Variants in GRTP1 observed in about 807,000 individuals in gnomAD.
GRTP1 encodes the protein growth hormone regulated TBC protein 1.
GRTP1 carries 56 observed loss-of-function variants against 38.1 expected under a neutral mutation model. The observed-to-expected ratio is 1.47, with a 90% confidence interval of 1.19 to 1.84. The LOEUF (loss-of-function observed/expected upper bound fraction) is 1.84, where lower values mean the gene tolerates loss of function less well. Among genes scored for constraint, GRTP1 ranks in the 40% most tolerant of loss-of-function variants. GRTP1 has a pLI of 0.00. For synonymous variants in GRTP1, 217 were observed against 189.5 expected (o/e 1.14, Z -1.19); for missense variants, 506 against 453.9 (o/e 1.11, Z -1.04).
chr13:113,329,135 G>A (rs1037215831), intron 5 of GRTP1, among the ~76,000 whole-genome samples: 3 of 152,158 alleles, frequency 2.0e-5, no homozygotes, highest in Non-Finnish European at 4.4e-5. Context: ...TTCAGTCTTC[G>A]GCCAGTCCCA....
At chr13:113,362,790 C>G (rs926823676) in intron 2 of GRTP1, among the ~76,000 whole-genome samples, 5 of 152,074 alleles carry the variant, frequency 3.3e-5, no homozygotes, top group African/African-American at 1.2e-4. Context: ...CCCTACTGCT[C>G]GGTCCCTGGA....
At chr13:113,333,844 T>TTTATTTA (rs1566418680) in intron 5 of GRTP1, among the ~76,000 whole-genome samples, 2 of 110,908 alleles carry the variant, frequency 1.8e-5, no homozygotes, top group African/African-American at 3.2e-5. Context: ...ATTTAGTGTG[T>TTTATTTA]GTGTGTGTGT....
intron 2 of GRTP1, 100 bp downstream of exon 2, chr13:113,363,662 T>C: frequency 8.0e-7 from 1 of 1,250,772 alleles, no homozygotes; most frequent in Non-Finnish European, 1.1e-6. Flanking sequence ...CCGGAAAGGT[T>C]CCTCCCCCTC....
At chr13:113,363,217 C>A (rs915126769) in intron 2 of GRTP1, among the ~76,000 whole-genome samples, 2 of 152,100 alleles carry the variant, frequency 1.3e-5, no homozygotes, top group African/African-American at 2.4e-5. Context: ...CCCTGTGGGT[C>A]CCGTCACAAG....
chr13:113,340,429 T>C (rs2043010565), intron 5 of GRTP1, among the ~76,000 whole-genome samples: 1 of 151,376 alleles, frequency 6.6e-6, no homozygotes. Context: ...CAGTGAGCCA[T>C]GATCACACCA....
chr13:113,356,966 A>G (rs1663683059), intron 2 of GRTP1, among the ~76,000 whole-genome samples: 1 of 152,216 alleles, frequency 6.6e-6, no homozygotes, highest in African/African-American at 2.4e-5. Context: ...ACGAGGGAAG[A>G]CCCAGAGGAG....
rs747789425 is a variant in GRTP1 at position 113,350,923 on chromosome 13, G to T, written c.391C>A (p.Pro131Thr). 4.3e-6 allele frequency: 7 copies of T among 1,613,584 alleles called. No individual in the cohort carries two copies. The highest frequency in any genetic ancestry group is 2.5e-6 in the Non-Finnish European group (3 of 1,179,520). The change falls in exon 4 of 8, where the codon CCC (proline) becomes ACC (threonine). Residue 131 changes from proline (P) to threonine (T), a missense_variant. Transcript: ENST00000375431. ...TTGTACAGGGTCCTCTGTAAGCAGG[G>T]GTCCGTGGTCTTCCGGAACTTCACG... is the stretch of plus-strand genomic sequence containing the variant. The part of the protein sequence containing the change: ...DNVKFRKTTD[P>T]CLQRTLYNVL...
At chr13:113,346,216 C>A in intron 4 of GRTP1, among the ~76,000 whole-genome samples, 1 of 132,796 alleles carries the variant, frequency 7.5e-6, no homozygotes, top group Non-Finnish European at 1.6e-5. Context: ...GGGAGGACCT[C>A]TGTGGCTGAG....
chr13:113,329,451 A>G (rs552805021), intron 5 of GRTP1, among the ~76,000 whole-genome samples: 5 of 152,210 alleles, frequency 3.3e-5, no homozygotes, highest in South Asian at 4.2e-4. Flanking sequence ...GGTGGCCAGC[A>G]CCTGTAATCC....
At chr13:113,337,122 T>C (rs146027244) in intron 5 of GRTP1, among the ~76,000 whole-genome samples, 1 of 152,078 alleles carries the variant, frequency 6.6e-6, no homozygotes, top group East Asian at 1.9e-4. Context: ...AAGAAGACCC[T>C]GTCTGTACTC....
intron 5 of GRTP1, among the ~76,000 whole-genome samples, chr13:113,330,021 G>A (rs1267430515): frequency 2.6e-5 from 4 of 151,830 alleles, no homozygotes; most frequent in South Asian, 2.1e-4. Flanking sequence ...GCCCAGGTGC[G>A]TACATGGAAA....
chr13:113,338,890 G>C (rs1190420320), intron 5 of GRTP1, among the ~76,000 whole-genome samples: 2 of 148,994 alleles, frequency 1.3e-5, no homozygotes, highest in Non-Finnish European at 3.0e-5. Flanking sequence ...CTGCTGAGCT[G>C]TTTCTTTTTC....
Position 113,324,560 on chromosome 13 carries a change from A to C in GRTP1, c.939T>G (p.Pro313=), listed in dbSNP as rs1244463640. Reference sequence around the variant, plus strand: ...CGACGGTGGCCATGGATAAGCTTCCAGGTTCTGAAAATATTTTCTGGAAGG... The same window carrying C: ...CGACGGTGGCCATGGATAAGCTTCCCGGTTCTGAAAATATTTTCTGGAAGG... ...HTFMQKIFSE[P]GSLSMATVAK... is the part of the protein sequence containing the mutation. Residue 313 remains proline (P), a synonymous_variant, in exon 8 of 8, where the codon CCT becomes CCG. Transcript: ENST00000375431. 6.2e-7 allele frequency: 1 copy of C among 1,609,632 alleles called. No individual in the cohort carries two copies. Among genetic ancestry groups the C allele is most frequent in the Non-Finnish European group, 8.5e-7 (1 of 1,178,170 alleles).
At position 113,328,295 on chromosome 13, in the gene GRTP1, C is replaced by A. The variant is rs1390536112; in HGVS notation, c.563-2204G>T. ...AGGACGGGGGCACAGCTCTGACACT[C>A]CCCTGCACACCCCTCAGGGTCTGCG... On this transcript the variant is annotated intron_variant, in intron 5 of 7. Coordinates refer to ENST00000375431, the MANE Select transcript of GRTP1 (RefSeq NM_024719.4). 1.3e-5 allele frequency among the ~76,000 whole-genome samples: 2 copies of A among 152,222 alleles called. 1 individual carries two copies. Among genetic ancestry groups the A allele is most frequent in the Middle Eastern group, 6.3e-3 (2 of 316 alleles).
intron 4 of GRTP1, among the ~76,000 whole-genome samples, chr13:113,347,381 C>A (rs36144058): frequency 8.8e-4 from 22 of 25,010 alleles, no homozygotes; most frequent in East Asian, 3.2e-3. Context: ...CCTCTGAAGC[C>A]GAGAGCAGAC....
At position 113,349,177 on chromosome 13, in the gene GRTP1, GT is replaced by G. The variant is rs11413178; in HGVS notation, c.465+1671del. Among the ~76,000 whole-genome samples the G allele has an allele frequency of 6.0e-5, 9 of 149,834 alleles. No homozygotes were observed. Among genetic ancestry groups the G allele is most frequent in the Admixed American group, 6.6e-5 (1 of 15,056 alleles). Reference sequence around the variant, plus strand: ...GGCAAGGGCCACCCAGGTGGGTGGTGTTTTTTTTTGTTTGTTTCTCGGTTTT... The same window carrying G: ...GGCAAGGGCCACCCAGGTGGGTGGTGTTTTTTTTGTTTGTTTCTCGGTTTT... On this transcript the variant is annotated intron_variant, in intron 4 of 7. Coordinates refer to ENST00000375431, the MANE Select transcript of GRTP1 (RefSeq NM_024719.4). The surrounding 1 kb of genome is among the most constrained non-coding windows in gnomAD (Gnocchi z 5.0).
rs967330584 is a variant in GRTP1 at position 113,343,161 on chromosome 13, A to G, written c.562+1702T>C. On this transcript the variant is annotated intron_variant, in intron 5 of 7. Coordinates refer to ENST00000375431, the MANE Select transcript of GRTP1 (RefSeq NM_024719.4). The surrounding 1 kb of genome is among the most constrained non-coding windows in gnomAD (Gnocchi z 4.8). ...GATTCGCCATGATTTGCACTCAGAC[A>G]TAACCGAAGCAGGCTGTGAGCCCGT... Among the ~76,000 whole-genome samples, 1 of 152,192 alleles carries G rather than the reference A, an allele frequency of 6.6e-6. No individual in the cohort carries two copies. Among genetic ancestry groups the G allele is most frequent in the Non-Finnish European group, 1.5e-5 (1 of 68,022 alleles).
chr13:113,335,330 G>A (rs1051307599), intron 5 of GRTP1, among the ~76,000 whole-genome samples: 8 of 151,706 alleles, frequency 5.3e-5, no homozygotes, highest in African/African-American at 1.9e-4. Flanking sequence ...GGCTGAGGCA[G>A]GAGAATCGCT....
rs1185831809 is a variant in GRTP1, at chr13:113,351,050, G to A, written c.341-77C>T. The stretch of plus-strand genomic sequence containing the variant: ...CCACCCCTCCAGCTGCCCCGAGGGT[G>A]GCCACCTGGGTTCCACTTGGGACTT... On this transcript the variant is annotated intron_variant, in intron 3 of 7. Coordinates refer to ENST00000375431, the MANE Select transcript of GRTP1 (RefSeq NM_024719.4). 5.7e-6 allele frequency: 9 copies of A among 1,591,176 alleles called. No individual in the cohort carries two copies. In the East Asian group the frequency reaches 2.0e-4, roughly 36 times the overall value.
Sources: allele counts gnomAD v4.1 joint callset (sites outside exome capture counted in the v4.1 genomes callset), GRCh38; gene constraint gnomAD v4.1.1; non-coding constraint Gnocchi (gnomAD v3.1); transcripts MANE v1.5; gene names NCBI Gene and HGNC (gene_info 2026-07-23, HGNC 2026-07-21).